INTS10: variants seen among roughly 807,000 people sequenced by gnomAD.
The protein encoded by INTS10 is integrator complex subunit 10, also known as chromosome 8 open reading frame 35.
INTS10 carries 44 observed loss-of-function variants against 94.4 expected under a neutral mutation model. The observed-to-expected ratio is 0.47, with a 90% CI of 0.37 to 0.60. INTS10 has a LOEUF of 0.60. Among genes scored for constraint, INTS10 ranks in the 20% least tolerant of loss-of-function variants. INTS10 has a pLI of 0.00. For synonymous variants in INTS10, 341 were observed against 320.7 expected (o/e 1.06, Z -0.68); for missense variants, 797 against 868.7 (o/e 0.92, Z 1.04).
intron 16 of INTS10, among the ~76,000 whole-genome samples, chr8:19,847,992 A>G (rs2068719721): frequency 6.6e-6 from 1 of 152,242 alleles, no homozygotes; most frequent in Admixed American, 6.5e-5. Context: ...AAGCAGGAAT[A>G]GGGATTATTC....
intron 5 of INTS10, 64 bp from the exon 6 acceptor site, chr8:19,823,237 T>C: frequency 1.6e-6 from 2 of 1,281,144 alleles, no homozygotes; most frequent in Non-Finnish European, 2.2e-6. Flanking sequence ...AAAGCTTTTG[T>C]ATTTATCGGA....
At chr8:19,829,035 G>A (rs775351998) in intron 9 of INTS10, among the ~76,000 whole-genome samples, 47 of 152,186 alleles carry the variant, frequency 3.1e-4, no homozygotes, top group Non-Finnish European at 5.0e-4. Context: ...GGGAGGTGCT[G>A]ACAGCTTCCT....
intron 3 of INTS10, 34 bp from the exon 4 acceptor site, chr8:19,820,345 A>G (rs374946929): frequency 6.9e-6 from 11 of 1,587,282 alleles, no homozygotes; most frequent in South Asian, 4.5e-5. Context: ...TCTGTCCGCA[A>G]GAAACTTTTA....
At chr8:19,822,625 T>C in intron 5 of INTS10, 105 bp downstream of exon 5, 1 of 663,298 alleles carries the variant, frequency 1.5e-6, no homozygotes, top group South Asian at 2.0e-5. Context: ...GAGCTTTATG[T>C]GTTATGGCAT....
chr8:19,817,469 G>C lies in INTS10; in HGVS notation c.-69G>C. On this transcript the variant is annotated 5_prime_UTR_variant, in exon 1 of 17. Coordinates refer to ENST00000397977, the MANE Select transcript of INTS10 (RefSeq NM_018142.4). ...GGCGGCGGCGGCGGCGGTGGCTGCC[G>C]TGGCGGCTGAGAGTCCAGAGCCGGA... The C allele has an allele frequency of 6.5e-7, 1 of 1,549,622 alleles. No homozygotes were observed. Among genetic ancestry groups the C allele is most frequent in the Non-Finnish European group, 8.7e-7 (1 of 1,151,470 alleles).
chr8:19,847,323 A>G (rs543219249), intron 16 of INTS10, among the ~76,000 whole-genome samples: 2 of 152,298 alleles, frequency 1.3e-5, no homozygotes, highest in East Asian at 3.9e-4. Flanking sequence ...TCCAATCCCC[A>G]TTTACTTTTC....
chr8:19,822,213 G>T, intron 4 of INTS10: 1 of 319,212 alleles, frequency 3.1e-6, no homozygotes, highest in Non-Finnish European at 5.7e-6. Context: ...TAATTATGAA[G>T]AGAATAACCA....
chr8:19,833,262 G>C lies in INTS10; in HGVS notation c.1471G>C (p.Glu491Gln). Residue 491 changes from glutamate to glutamine, a missense_variant, in exon 12 of 17, where the codon GAG becomes CAG. Glu to Gln is a conservative substitution (Grantham distance 29, BLOSUM62 2). Coordinates refer to ENST00000397977, the MANE Select transcript of INTS10 (RefSeq NM_018142.4). ...QPQITGQGTLEHQRALIQLAT... is the reference protein window; with the variant it reads ...QPQITGQGTLQHQRALIQLAT... The stretch of plus-strand genomic sequence containing the variant: ...ACAGATCACAGGGCAGGGGACCCTG[G>C]AGCATCAGAGGGCGCTCATCCAGCT... The C allele has an allele frequency of 1.2e-6, 2 of 1,613,080 alleles. No individual in the cohort carries two copies. Among genetic ancestry groups the C allele is most frequent in the Non-Finnish European group, 1.7e-6 (2 of 1,179,486 alleles).
In INTS10 at chr8:19,851,498, T is replaced by A. The variant is rs2069029727; in HGVS notation, c.1977-151T>A. On this transcript the variant is annotated intron_variant, in intron 16 of 16. Coordinates refer to ENST00000397977, the MANE Select transcript of INTS10 (RefSeq NM_018142.4). The surrounding 1 kb of genome is among the most constrained non-coding windows in gnomAD (Gnocchi z 5.0). ...TCTGAAGAGAAATGGGCTGGAATGTTTGGTTGGTTGCAGCTATTCTTGTGT... is the reference window on the plus strand; with the variant it reads ...TCTGAAGAGAAATGGGCTGGAATGTATGGTTGGTTGCAGCTATTCTTGTGT... 1.5e-6 allele frequency: 1 copy of A among 667,758 alleles called. No homozygotes were observed. The highest frequency in any genetic ancestry group is 2.6e-6 in the Non-Finnish European group (1 of 388,956). The allele number at this position is 667,758 out of a possible 1,614,324, so 41.4% of individuals were successfully genotyped here. A position where few individuals can be genotyped will look rare whatever the true frequency, so the allele number is the denominator to read the frequency against.
At position 19,844,163 on chromosome 8, in the gene INTS10, C is replaced by T; in HGVS notation, c.1807C>T (p.Leu603Phe). ...GCAAGAGTGGCCACGGGGCGAGAAT[C>T]TTTTCCTGAAAGCTGTCAATAAAAT... Reference protein sequence around the residue: ...LQQEWPRGENLFLKAVNKICQ... With the variant: ...LQQEWPRGENFFLKAVNKICQ... Residue 603 changes from leucine (L) to phenylalanine (F), a missense_variant, in exon 15 of 17, where the codon CTT (leucine) becomes TTT (phenylalanine). Leu to Phe is a conservative substitution (Grantham distance 22, BLOSUM62 0). Around this residue, in one of 3 missense-constraint regions of INTS10, gnomAD observed 734 missense variants for 787.8 expected, o/e 0.93. Transcript: ENST00000397977. The T allele has an allele frequency of 6.2e-7, 1 of 1,613,886 alleles. No individual in the cohort carries two copies. The highest frequency in any genetic ancestry group is 8.5e-7 in the Non-Finnish European group (1 of 1,179,780).
chr8:19,826,246 A>AGGG (rs2066781115), intron 8 of INTS10, among the ~76,000 whole-genome samples, 180 bp from the exon 9 acceptor site: 2 of 151,850 alleles, frequency 1.3e-5, no homozygotes, highest in South Asian at 4.2e-4. Context: ...ATGCCCGGCT[A>AGGG]ATGTTTTGTA....
At chr8:19,841,956 G>A (rs1158793953) in intron 13 of INTS10, 2 of 394,862 alleles carry the variant, frequency 5.1e-6, no homozygotes, top group East Asian at 1.5e-4. Flanking sequence ...ATCACATTAT[G>A]TAAGTATGTG....
At chr8:19,818,245 A>G in intron 1 of INTS10, 30 bp from the exon 2 acceptor site, 1 of 1,612,332 alleles carries the variant, frequency 6.2e-7, no homozygotes, top group Non-Finnish European at 8.5e-7. Context: ...GGCAGGGGTG[A>G]GTGACCAGGG....
In INTS10 at chr8:19,817,443, TGGCGGC is replaced by T; in HGVS notation, c.-83_-78del. On this transcript the variant is annotated 5_prime_UTR_variant, in exon 1 of 17. Transcript: ENST00000397977. ...ACATGCGCAGTAGCCTCCCCCGCGG[TGGCGGC>T]GGCGGCGGCGGTGGCTGCCGTGGCG... 1.3e-6 allele frequency: 2 copies of T among 1,483,334 alleles called. No individual in the cohort carries two copies. The highest frequency in any genetic ancestry group is 4.8e-4 in the Middle Eastern group (2 of 4,176). The allele number at this position is 1,483,334 out of a possible 1,614,324, so 91.9% of individuals were successfully genotyped here. A position where few individuals can be genotyped will look rare whatever the true frequency, so the allele number is the denominator to read the frequency against.
At chr8:19,847,916 C>G (rs766021316) in intron 16 of INTS10, among the ~76,000 whole-genome samples, 2 of 152,126 alleles carry the variant, frequency 1.3e-5, no homozygotes, top group African/African-American at 4.8e-5. Context: ...CAATACAACC[C>G]TTAATTTCTT....
chr8:19,834,642 G>C (rs1028674346), intron 12 of INTS10, among the ~76,000 whole-genome samples: 2 of 152,152 alleles, frequency 1.3e-5, no homozygotes. Flanking sequence ...CAACCTCTGA[G>C]TACATCACTA....
chr8:19,834,042 G>T (rs1369621134), intron 12 of INTS10, among the ~76,000 whole-genome samples: 1 of 151,816 alleles, frequency 6.6e-6, no homozygotes, highest in Non-Finnish European at 1.5e-5. Context: ...TACCCAATAG[G>T]GGCAGATTTA....
intron 11 of INTS10, among the ~76,000 whole-genome samples, chr8:19,832,882 T>C (rs1242485056): frequency 6.6e-6 from 1 of 152,186 alleles, no homozygotes; most frequent in African/African-American, 2.4e-5. Flanking sequence ...TATATCCAAA[T>C]GTGCTGGATC....
In INTS10 at chr8:19,843,547, G is replaced by A. The variant is rs900548591; in HGVS notation, c.1720-529G>A. ...TTTAGGGCAACAAAAACAATTTAAA[G>A]TGTGATTTTATGCATAACCGCTCAT... is the stretch of plus-strand genomic sequence containing the variant. On this transcript the variant is annotated intron_variant, in intron 14 of 16. Coordinates refer to ENST00000397977, the MANE Select transcript of INTS10 (RefSeq NM_018142.4). This position sits in a 1 kb window ranked among gnomAD's most constrained non-coding sequence, Gnocchi z 4.7. Among the ~76,000 whole-genome samples the A allele has an allele frequency of 3.3e-5, 5 of 152,178 alleles. No individual in the cohort carries two copies. Among genetic ancestry groups the A allele is most frequent in the Non-Finnish European group, 7.3e-5 (5 of 68,032 alleles).
Sources: gnomAD v4.1 joint callset for allele counts (sites outside exome capture counted in the v4.1 genomes callset) on GRCh38, gnomAD v4.1.1 for gene constraint, gnomAD v4.1.1 regional missense constraint, Gnocchi (gnomAD v3.1) non-coding constraint, MANE v1.5 for transcripts, NCBI Gene and HGNC (gene_info 2026-07-23, HGNC 2026-07-21) for gene names.